The following RGPD4 variants were observed in gnomAD, a reference collection of about 807,000 sequenced individuals.
The protein encoded by RGPD4 is RANBP2 like and GRIP domain containing 4, also known as ranBP2-like and GRIP domain-containing protein 4.
RGPD4 carries 84 observed loss-of-function variants against 141.1 expected under a neutral mutation model. The ratio of observed to expected loss-of-function variants is 0.60; its 90% CI spans 0.50 to 0.71. RGPD4 has a LOEUF of 0.71. RGPD4 is among the 30% of genes least tolerant of loss of function. RGPD4 has a pLI of 0.00. For synonymous variants in RGPD4, 298 were observed against 566.8 expected (o/e 0.53, Z 6.74); for missense variants, 918 against 1,622.4 (o/e 0.57, Z 7.46).
intron 22 of RGPD4, chr2:107,883,288 C>A (rs1209830522): frequency 2.5e-6 from 1 of 394,346 alleles, no homozygotes; most frequent in Non-Finnish European, 5.0e-6. Flanking sequence ...TATAGCCCAA[C>A]ACTTGGTCTA....
At position 107,826,936 on chromosome 2, in the gene RGPD4, G is replaced by A. The variant is rs1042896941; in HGVS notation, c.-78G>A. 2.6e-5 allele frequency: 41 copies of A among 1,549,398 alleles called. No homozygotes were observed. Among genetic ancestry groups the A allele is most frequent in the East Asian group, 9.8e-5 (4 of 40,910 alleles). On this transcript the variant is annotated 5_prime_UTR_variant, in exon 1 of 23. Transcript: ENST00000408999. ...TACGCGGAGTCAGTGGCTTTCAGGC[G>A]CTTTCCTGTTGGAATTGGCGACTGC...
intron 1 of RGPD4, among the ~76,000 whole-genome samples, chr2:107,829,826 G>A (rs2581034): frequency 1.5e-3 from 223 of 151,182 alleles, no homozygotes; most frequent in African/African-American, 4.4e-3. Context: ...CGCGCAGCCT[G>A]GTTCTCGGGG....
chr2:107,836,356 AC>A (rs1183383844), intron 1 of RGPD4, among the ~76,000 whole-genome samples: 5 of 52,970 alleles, frequency 9.4e-5, no homozygotes, highest in East Asian at 5.8e-4. Flanking sequence ...CAGGTGATCC[AC>A]CCACTTCGGC....
chr2:107,847,919 C>G (rs1682011491), intron 6 of RGPD4, among the ~76,000 whole-genome samples: 1 of 125,834 alleles, frequency 7.9e-6, no homozygotes, highest in South Asian at 2.9e-4. Context: ...AAATACCTGT[C>G]AATTATTTAC....
chr2:107,863,098 CT>C, intron 17 of RGPD4, 66 bp downstream of exon 17: 9 of 1,119,638 alleles, frequency 8.0e-6, no homozygotes, highest in East Asian at 2.5e-5. Context: ...CACTCTCTCA[CT>C]TTTTTTCTGA....
In RGPD4 at chr2:107,879,926, T is replaced by C. The variant is rs776292327; in HGVS notation, c.4925-42T>C. ...TCTTATTTAGAATCTTCATCTGTAA[T>C]GTATGATTTTGAAAATTAATTCTTG... On this transcript the variant is annotated intron_variant, in intron 20 of 22. Coordinates refer to ENST00000408999, the MANE Select transcript of RGPD4 (RefSeq NM_182588.3). 8 of 1,608,758 alleles carry C rather than the reference T, an allele frequency of 5.0e-6. No homozygotes were observed. The Admixed American group carries it at 1.0e-4, about 20-fold the overall frequency.
rs781782552 is a variant in RGPD4, at chr2:107,827,081, G to A, written c.68G>A (p.Arg23Gln). The change falls in exon 1 of 23, where the codon CGA (arginine) becomes CAA (glutamine). Residue 23 changes from arginine to glutamine, a missense_variant. Coordinates refer to ENST00000408999, the MANE Select transcript of RGPD4 (RefSeq NM_182588.3). Reference protein sequence around the residue: ...ASVQGSAPSPRKKSTRGFYFA... With the variant: ...ASVQGSAPSPQKKSTRGFYFA... ...GTGCAGGGCTCCGCCCCGTCGCCTCGAAAGGTGAGTGGATCTCGAAGAGAC... is the reference window on the plus strand; with the variant it reads ...GTGCAGGGCTCCGCCCCGTCGCCTCAAAAGGTGAGTGGATCTCGAAGAGAC... The A allele has an allele frequency of 7.5e-6, 12 of 1,590,126 alleles. No homozygotes were observed. Among genetic ancestry groups the A allele is most frequent in the East Asian group, 2.3e-5 (1 of 43,880 alleles).
chr2:107,827,427 CG>C (rs1681251368), intron 1 of RGPD4, among the ~76,000 whole-genome samples: 1 of 54,966 alleles, frequency 1.8e-5, no homozygotes, highest in African/African-American at 1.0e-4. Context: ...GGCCCGGCCG[CG>C]GCCGCGATGG....
At chr2:107,884,890 A>T (rs1470329767) in intron 22 of RGPD4, among the ~76,000 whole-genome samples, 241 of 152,122 alleles carry the variant, frequency 1.6e-3, no homozygotes, top group African/African-American at 5.6e-3. Flanking sequence ...CCATACCTTG[A>T]AAACCCCTGG....
At chr2:107,859,587 T>C (rs1682464864) in intron 11 of RGPD4, 33 bp downstream of exon 11, 1 of 1,611,496 alleles carries the variant, frequency 6.2e-7, no homozygotes, top group Admixed American at 1.7e-5. Flanking sequence ...TGCTTTCACT[T>C]AGTGCGTAGG....
chr2:107,872,807 A>T lies in RGPD4; in HGVS notation c.4803A>T (p.Lys1601Asn), dbSNP rs1682979728. The T allele has an allele frequency of 6.2e-7, 1 of 1,610,346 alleles. No homozygotes were observed. The highest frequency in any genetic ancestry group is 1.4e-5 in the African/African-American group (1 of 73,858). The change falls in exon 20 of 23, where the codon AAA becomes AAT. Residue 1601 changes from lysine to asparagine, a missense_variant. By Grantham distance (94) the Lys-to-Asn change is moderately conservative. Coordinates refer to ENST00000408999, the MANE Select transcript of RGPD4 (RefSeq NM_182588.3). ...SGSESKVEPK[K>N]CELSKNSDIE... ...CTGAAAGCAAAGTGGAACCTAAAAA[A>T]TGTGAACTGTCAAAGAACTCTGATA...
intron 20 of RGPD4, among the ~76,000 whole-genome samples, chr2:107,873,574 C>CAAAA (rs3053241): frequency 6.4e-5 from 8 of 125,390 alleles, no homozygotes; most frequent in East Asian, 3.1e-4. Context: ...ACTTTGTCTC[C>CAAAA]AAAAAAAAAA....
intron 20 of RGPD4, among the ~76,000 whole-genome samples, chr2:107,875,518 C>G (rs1011328724): frequency 2.5e-4 from 36 of 142,180 alleles, no homozygotes; most frequent in African/African-American, 9.6e-4. Flanking sequence ...TGGCATGCTT[C>G]ATGACTGGCT....
rs1573517643 is a variant in RGPD4 at position 107,870,875 on chromosome 2, T to G, written c.2871T>G (p.Asn957Lys). ...FQAQDISGQK[N>K]GRGVIFGQTS... ...CTCAGGATATTAGTGGCCAGAAGAA[T>G]GGCCGTGGTGTGATTTTTGGCCAAA... Residue 957 changes from asparagine to lysine, a missense_variant, in exon 20 of 23, where the codon AAT (asparagine) becomes AAG (lysine). By Grantham distance (94) the Asn-to-Lys change is moderately conservative. Transcript: ENST00000408999. The G allele has an allele frequency of 3.7e-6, 6 of 1,609,816 alleles. No individual in the cohort carries two copies. Among genetic ancestry groups the G allele is most frequent in the East Asian group, 2.2e-5 (1 of 44,828 alleles).
At chr2:107,885,914 G>A (rs1328047281) in intron 22 of RGPD4, among the ~76,000 whole-genome samples, 3 of 151,680 alleles carry the variant, frequency 2.0e-5, no homozygotes, top group Admixed American at 6.6e-5. Context: ...TTAGCTGGGC[G>A]TGGTGGTGCA....
rs374691289 is a variant in RGPD4 at position 107,872,796 on chromosome 2, G to T, written c.4792G>T (p.Glu1598Ter). ...VAQSGSESKV[E>*]PKKCELSKNS... is the part of the protein sequence containing the mutation. ...CCAGAGTGGATCTGAAAGCAAAGTG[G>T]AACCTAAAAAATGTGAACTGTCAAA... is the stretch of plus-strand genomic sequence containing the variant. Residue 1598 changes from glutamate to a stop codon, truncating the protein, a stop_gained, in exon 20 of 23, where the codon GAA (glutamate) becomes TAA (stop). Coordinates refer to ENST00000408999, the MANE Select transcript of RGPD4 (RefSeq NM_182588.3). LOFTEE classifies it high-confidence loss of function. 2,128 of 1,610,626 alleles carry T rather than the reference G, an allele frequency of 1.3e-3. 49 individuals are homozygous for T. The African/African-American group carries it at 0.024, about 18-fold the overall frequency.
chr2:107,869,610 C>CT (rs1682837991), intron 18 of RGPD4, among the ~76,000 whole-genome samples: 1 of 143,942 alleles, frequency 6.9e-6, no homozygotes, highest in Non-Finnish European at 1.5e-5. Context: ...CAGTTACTTT[C>CT]TTCTTTATTC....
At chr2:107,878,575 G>A (rs571805115) in intron 20 of RGPD4, among the ~76,000 whole-genome samples, 11 of 149,612 alleles carry the variant, frequency 7.4e-5, no homozygotes, top group Admixed American at 7.3e-4. Context: ...TTTTTGGGCT[G>A]CTCCAATAAA....
At chr2:107,887,337 G>T (rs1323697844) in intron 22 of RGPD4, among the ~76,000 whole-genome samples, 3 of 152,162 alleles carry the variant, frequency 2.0e-5, no homozygotes, top group African/African-American at 7.2e-5. Context: ...AATCTAGTAA[G>T]GATAAGCAAT....
Sources: gnomAD v4.1 joint callset for allele counts (sites outside exome capture counted in the v4.1 genomes callset) on GRCh38, gnomAD v4.1.1 for gene constraint, MANE v1.5 for transcripts, NCBI Gene and HGNC (gene_info 2026-07-23, HGNC 2026-07-21) for gene names.